Variants in NUGGC observed in about 807,000 individuals in gnomAD.
NUGGC encodes nuclear GTPase SLIP-GC.
Under a neutral mutation model 92.6 loss-of-function variants are expected in NUGGC, and 58 were observed. The ratio of observed to expected loss-of-function variants is 0.63; its 90% CI spans 0.51 to 0.78. The LOEUF (loss-of-function observed/expected upper bound fraction) is 0.78. Among genes scored for constraint, NUGGC ranks in the 30% least tolerant of loss-of-function variants. NUGGC has a pLI of 0.00. For synonymous variants in NUGGC, 376 were observed against 366.4 expected (o/e 1.03, Z -0.30); for missense variants, 925 against 964.6 (o/e 0.96, Z 0.54).
intron 9 of NUGGC, among the ~76,000 whole-genome samples, chr8:28,056,781 C>A (rs966853861): frequency 6.6e-6 from 1 of 152,188 alleles, no homozygotes; most frequent in African/African-American, 2.4e-5. Context: ...CTATAGACTA[C>A]ATGGCACCAT....
intron 1 of NUGGC, among the ~76,000 whole-genome samples, chr8:28,081,191 T>G (rs1328755310): frequency 6.6e-6 from 1 of 151,992 alleles, no homozygotes; most frequent in East Asian, 1.9e-4. Flanking sequence ...TGGTGCAGCA[T>G]GCCTGTAATT....
At chr8:28,073,780 A>C (rs369928054) in intron 2 of NUGGC, among the ~76,000 whole-genome samples, 88 of 152,216 alleles carry the variant, frequency 5.8e-4, no homozygotes, top group African/African-American at 2.1e-3. Context: ...ACTTGGACAG[A>C]GAGTCCAAGC....
At chr8:28,034,039 A>G (rs1380470923) in intron 13 of NUGGC, among the ~76,000 whole-genome samples, 3 of 152,218 alleles carry the variant, frequency 2.0e-5, no homozygotes, top group African/African-American at 7.2e-5. Flanking sequence ...TATGTCCTCA[A>G]CATCTGGGAA....
At position 28,023,263 on chromosome 8, in the gene NUGGC, C is replaced by T. The variant is rs1189595292; in HGVS notation, c.*54G>A. ...TCTCTTAAGAACAAAAAAAGTAATT[C>T]TAATTCTCTGGCTCTGGGCTGATTT... On this transcript the variant is annotated 3_prime_UTR_variant, in exon 19 of 19. Coordinates refer to ENST00000413272, the MANE Select transcript of NUGGC (RefSeq NM_001010906.2). The T allele has an allele frequency of 6.4e-7, 1 of 1,552,860 alleles. No individual in the cohort carries two copies. The highest frequency in any genetic ancestry group is 8.7e-7 in the Non-Finnish European group (1 of 1,147,058).
At chr8:28,026,284 T>C (rs963986477) in intron 18 of NUGGC, among the ~76,000 whole-genome samples, 7 of 152,234 alleles carry the variant, frequency 4.6e-5, no homozygotes, top group African/African-American at 1.7e-4. Context: ...TCTGTAGGGT[T>C]GCTGCGCCAA....
intron 17 of NUGGC, 27 bp downstream of exon 17, chr8:28,029,239 A>C: frequency 6.3e-7 from 1 of 1,593,612 alleles, no homozygotes. Flanking sequence ...CTCGGGGTCT[A>C]GGATCCAGGA....
intron 12 of NUGGC, among the ~76,000 whole-genome samples, chr8:28,044,674 G>C (rs966804176): frequency 2.0e-5 from 3 of 152,242 alleles, no homozygotes; most frequent in African/African-American, 4.8e-5. Context: ...GTTGTTATTA[G>C]AGATAGCAGT....
At chr8:28,053,907 A>C (rs560881717) in intron 10 of NUGGC, among the ~76,000 whole-genome samples, 2 of 152,318 alleles carry the variant, frequency 1.3e-5, no homozygotes, top group Admixed American at 6.5e-5. Flanking sequence ...TGGCTTAAGT[A>C]TGAGGCCTAA....
rs565683408 is a variant in NUGGC at position 28,046,825 on chromosome 8, G to A, written c.1312+682C>T. 2.2e-3 allele frequency among the ~76,000 whole-genome samples: 330 copies of A among 148,656 alleles called. 1 individual carries two copies. Among genetic ancestry groups the A allele is most frequent in the Middle Eastern group, 7.2e-3 (2 of 276 alleles). Reference sequence around the variant, plus strand: ...CCTCCCGAGTAGCTGGCACCACCACGTCCGGCTAATTTTTGTATTTTTTAG... The same window carrying A: ...CCTCCCGAGTAGCTGGCACCACCACATCCGGCTAATTTTTGTATTTTTTAG... On this transcript the variant is annotated intron_variant, in intron 11 of 18. Coordinates refer to ENST00000413272, the MANE Select transcript of NUGGC (RefSeq NM_001010906.2).
Position 28,079,413 on chromosome 8 carries a change from G to GC in NUGGC, c.-47+4361dup, listed in dbSNP as rs1161686967. Among the ~76,000 whole-genome samples, 4 of 151,966 alleles carry GC rather than the reference G, an allele frequency of 2.6e-5. No homozygotes were observed. The East Asian group carries it at 7.7e-4, about 29-fold the overall frequency. ...AAATTAGCCCGGTGTGGTGGCACGC[G>GC]CCTGTAATCCCAGCTACTCAGGAGG... On this transcript the variant is annotated intron_variant, in intron 1 of 18. Coordinates refer to ENST00000413272, the MANE Select transcript of NUGGC (RefSeq NM_001010906.2).
chr8:28,083,309 A>T (rs1810895466), intron 1 of NUGGC, among the ~76,000 whole-genome samples: 1 of 152,108 alleles, frequency 6.6e-6, no homozygotes, highest in South Asian at 2.1e-4. Flanking sequence ...CTTCCCCAAA[A>T]CCCATAACTC....
intron 13 of NUGGC, among the ~76,000 whole-genome samples, chr8:28,039,623 C>A (rs1809642632): frequency 6.6e-6 from 1 of 152,148 alleles, no homozygotes; most frequent in Non-Finnish European, 1.5e-5. Context: ...ATCATCGGTG[C>A]ACATAGAAAA....
intron 1 of NUGGC, among the ~76,000 whole-genome samples, chr8:28,080,730 T>G (rs1810830234): frequency 6.6e-6 from 1 of 152,202 alleles, no homozygotes; most frequent in Admixed American, 6.5e-5. Flanking sequence ...ACTATTTTAT[T>G]TATCCATCCA....
At chr8:28,079,724 C>A (rs1205729572) in intron 1 of NUGGC, among the ~76,000 whole-genome samples, 2 of 152,166 alleles carry the variant, frequency 1.3e-5, no homozygotes, top group African/African-American at 4.8e-5. Flanking sequence ...TTTAAACAAG[C>A]CCCCTGGAGC....
chr8:28,066,440 T>C (rs1810443066), intron 6 of NUGGC, among the ~76,000 whole-genome samples: 1 of 152,198 alleles, frequency 6.6e-6, no homozygotes, highest in Non-Finnish European at 1.5e-5. Flanking sequence ...GCAAAAAGCC[T>C]AAGGAAATGT....
intron 7 of NUGGC, among the ~76,000 whole-genome samples, chr8:28,063,651 C>T (rs1370341326): frequency 1.3e-5 from 2 of 152,198 alleles, no homozygotes; most frequent in Non-Finnish European, 2.9e-5. Flanking sequence ...AGTGACTTTC[C>T]CTCTCTGAGC....
chr8:28,029,231 C>A (rs201861945), intron 17 of NUGGC, 35 bp downstream of exon 17: 6 of 1,586,786 alleles, frequency 3.8e-6, no homozygotes, highest in Admixed American at 1.8e-5. Context: ...CGGAGCCTCT[C>A]GGGGTCTAGG....
At chr8:28,078,215 G>T (rs1222933861) in intron 1 of NUGGC, among the ~76,000 whole-genome samples, 1 of 152,184 alleles carries the variant, frequency 6.6e-6, no homozygotes, top group Non-Finnish European at 1.5e-5. Context: ...TATGTGGTTT[G>T]GTTGTGGTGG....
chr8:28,040,936 T>C, intron 13 of NUGGC, 115 bp downstream of exon 13: 4 of 1,078,558 alleles, frequency 3.7e-6, no homozygotes, highest in Non-Finnish European at 5.3e-6. Context: ...TGAGCCGCCA[T>C]GCCCGGCCCG....
Sources: gnomAD v4.1 joint callset for allele counts (sites outside exome capture counted in the v4.1 genomes callset) on GRCh38, gnomAD v4.1.1 for gene constraint, MANE v1.5 for transcripts, NCBI Gene and HGNC (gene_info 2026-07-23, HGNC 2026-07-21) for gene names.